The following HCN1 variants were observed in gnomAD, a reference collection of about 807,000 sequenced individuals.
HCN1 encodes the protein potassium/sodium hyperpolarization-activated cyclic nucleotide-gated channel 1.
Under a neutral mutation model 78.9 loss-of-function variants are expected in HCN1, and 13 were observed. That is an observed-to-expected ratio of 0.16 (90% CI 0.11 to 0.26). The LOEUF is 0.26. Ranked by LOEUF, HCN1 falls within the 10% of genes least tolerant of loss-of-function variation. The pLI, the probability that HCN1 is intolerant of heterozygous loss-of-function variation, is 1.00. For missense variants in HCN1, 810 were observed against 1,154.3 expected, an observed-to-expected ratio of 0.70 and a Z score of 4.32; for synonymous variants, 552 against 455.5, an observed-to-expected ratio of 1.21 and a Z score of -2.70.
intron 3 of HCN1, among the ~76,000 whole-genome samples, chr5:45,426,745 G>T (rs975795167): frequency 1.3e-5 from 2 of 152,030 alleles, no homozygotes; most frequent in African/African-American, 4.8e-5. Flanking sequence ...AAGCACTCAA[G>T]TCTGCTCTTC....
At chr5:45,317,147 C>G (rs546578575) in intron 5 of HCN1, among the ~76,000 whole-genome samples, 1 of 152,090 alleles carries the variant, frequency 6.6e-6, no homozygotes, top group Non-Finnish European at 1.5e-5. Context: ...GGAGGCATCA[C>G]GTTACCTGAC....
intron 2 of HCN1, among the ~76,000 whole-genome samples, chr5:45,474,046 G>A (rs1048449686): frequency 3.3e-5 from 5 of 151,544 alleles, no homozygotes; most frequent in African/African-American, 9.7e-5. Context: ...TTCATATTGA[G>A]TATCCTCAAA....
At chr5:45,326,476 T>C (rs1047184331) in intron 5 of HCN1, among the ~76,000 whole-genome samples, 7 of 151,628 alleles carry the variant, frequency 4.6e-5, no homozygotes, top group African/African-American at 1.5e-4. Context: ...ATGTTAATTA[T>C]AGTTATATTA....
rs978287017 is a variant in HCN1, at chr5:45,503,864, C to A, written c.850-41857G>T. Among the ~76,000 whole-genome samples the A allele has an allele frequency of 2.6e-5, 4 of 151,630 alleles. No homozygotes were observed. In the South Asian group the frequency reaches 8.3e-4, roughly 32 times the overall value. On this transcript the variant is annotated intron_variant, in intron 2 of 7. Coordinates refer to ENST00000303230, the MANE Select transcript of HCN1 (RefSeq NM_021072.4). Reference sequence around the variant, plus strand: ...ACTATGGTGCCATCTCGGCTCACTGCAACCTCCACCTCCCAGGTTCAGGCG... The same window carrying A: ...ACTATGGTGCCATCTCGGCTCACTGAAACCTCCACCTCCCAGGTTCAGGCG...
intron 3 of HCN1, among the ~76,000 whole-genome samples, chr5:45,452,485 C>T (rs189117413): frequency 6.6e-6 from 1 of 151,598 alleles, no homozygotes; most frequent in East Asian, 1.9e-4. Context: ...GCAAACACTT[C>T]TAAAAAATGA....
At chr5:45,347,091 G>A (rs893627474) in intron 5 of HCN1, among the ~76,000 whole-genome samples, 20 of 152,268 alleles carry the variant, frequency 1.3e-4, no homozygotes, top group Admixed American at 4.6e-4. Context: ...CCTGATCCCC[G>A]AACAGCCTAA....
At position 45,262,134 on chromosome 5, in the gene HCN1, C is replaced by T. The variant is rs772076370; in HGVS notation, c.2460G>A (p.Thr820=). 4 of 1,613,176 alleles carry T rather than the reference C, an allele frequency of 2.5e-6. No individual in the cohort carries two copies. Among genetic ancestry groups the T allele is most frequent in the South Asian group, 1.1e-5 (1 of 91,072 alleles). The change falls in exon 8 of 8, where the codon ACG becomes ACA. Residue 820 remains threonine (T), a synonymous_variant. Transcript: ENST00000303230. ...CCTGAAGGCCCGTTCCGGGGACCGCCGTCACGGGTTGAGGGATGGAGGCCA... is the reference window on the plus strand; with the variant it reads ...CCTGAAGGCCCGTTCCGGGGACCGCTGTCACGGGTTGAGGGATGGAGGCCA... ...ESLASIPQPV[T]AVPGTGLQAG...
intron 2 of HCN1, among the ~76,000 whole-genome samples, chr5:45,582,643 T>C (rs1248485909): frequency 1.3e-5 from 2 of 152,196 alleles, no homozygotes; most frequent in Non-Finnish European, 2.9e-5. Flanking sequence ...TTTAGTATGA[T>C]ATTGGCTGTG....
chr5:45,376,216 CATTATAT>C (rs1747655591), intron 4 of HCN1, among the ~76,000 whole-genome samples: 2 of 4,812 alleles, frequency 4.2e-4, no homozygotes, highest in African/African-American at 2.1e-3. Context: ...ATATATAATA[CATTATAT>C]ATAATATATA....
chr5:45,638,186 G>A (rs894037419), intron 2 of HCN1, among the ~76,000 whole-genome samples: 5 of 152,094 alleles, frequency 3.3e-5, no homozygotes. Flanking sequence ...CAGGAAATAA[G>A]GGAAAAGGAG....
At position 45,628,491 on chromosome 5, in the gene HCN1, A is replaced by G. The variant is rs1362066455; in HGVS notation, c.849+16694T>C. ...AAAACTTTTCTGAATCTTTGTAAAA[A>G]CTTTGGTGAATAGAAGCATATTAAT... On this transcript the variant is annotated intron_variant, in intron 2 of 7. Transcript: ENST00000303230. Among the ~76,000 whole-genome samples the G allele has an allele frequency of 2.6e-5, 4 of 152,322 alleles. No homozygotes were observed. In the East Asian group the frequency reaches 5.8e-4, roughly 22 times the overall value.
intron 2 of HCN1, among the ~76,000 whole-genome samples, chr5:45,591,686 T>C (rs1300055471): frequency 6.6e-6 from 1 of 152,238 alleles, no homozygotes; most frequent in Non-Finnish European, 1.5e-5. Context: ...ATAACAGGCC[T>C]CTATCAGATG....
chr5:45,520,848 A>G (rs1219708050), intron 2 of HCN1, among the ~76,000 whole-genome samples: 1 of 152,028 alleles, frequency 6.6e-6, no homozygotes, highest in Non-Finnish European at 1.5e-5. Flanking sequence ...TCATTATAAT[A>G]TAATATAAGT....
chr5:45,671,409 C>CTA (rs899519956), intron 1 of HCN1, among the ~76,000 whole-genome samples: 6 of 150,528 alleles, frequency 4.0e-5, no homozygotes, highest in East Asian at 3.9e-4. Context: ...ATATATAGTA[C>CTA]TATATATATA....
intron 2 of HCN1, among the ~76,000 whole-genome samples, chr5:45,547,209 C>T (rs770407060): frequency 6.6e-6 from 1 of 151,736 alleles, no homozygotes; most frequent in Non-Finnish European, 1.5e-5. Flanking sequence ...ACAGAATATA[C>T]ACGACACATT....
chr5:45,427,049 A>C (rs1740366518), intron 3 of HCN1, among the ~76,000 whole-genome samples: 1 of 152,006 alleles, frequency 6.6e-6, no homozygotes, highest in South Asian at 2.1e-4. Flanking sequence ...ATAATATGAC[A>C]CACATATTCG....
chr5:45,672,019 C>T (rs565431427), intron 1 of HCN1, among the ~76,000 whole-genome samples: 356 of 151,484 alleles, frequency 2.4e-3, no homozygotes, highest in African/African-American at 8.1e-3. Flanking sequence ...TGAATTTCAA[C>T]AATGTCATGG....
chr5:45,676,850 C>T (rs1397674632), intron 1 of HCN1, among the ~76,000 whole-genome samples: 1 of 151,682 alleles, frequency 6.6e-6, no homozygotes, highest in Non-Finnish European at 1.5e-5. Context: ...AATGGACATG[C>T]AGTATTATCC....
intron 2 of HCN1, among the ~76,000 whole-genome samples, chr5:45,477,966 A>G (rs559482771): frequency 9.9e-5 from 15 of 152,268 alleles, no homozygotes; most frequent in African/African-American, 3.4e-4. Context: ...GTTAAAACAT[A>G]AATTATATAA....
Sources: allele counts gnomAD v4.1 joint callset (sites outside exome capture counted in the v4.1 genomes callset), GRCh38; gene constraint gnomAD v4.1.1; transcripts MANE v1.5; gene names NCBI Gene and HGNC (gene_info 2026-07-23, HGNC 2026-07-21).